TMEM14C: variants seen among roughly 807,000 people sequenced by gnomAD.
TMEM14C encodes chromosome 6 open reading frame 53.
In TMEM14C, 13 loss-of-function variants were observed where a neutral mutation model predicts 14.8. The ratio of observed to expected loss-of-function variants is 0.88; its 90% CI spans 0.57 to 1.40. The LOEUF (loss-of-function observed/expected upper bound fraction) is 1.40, where lower values mean the gene tolerates loss of function less well. TMEM14C is among the 40% of genes most tolerant of loss of function. The pLI is 0.00. For synonymous variants in TMEM14C, 57 were observed against 51.3 expected (o/e 1.11, Z -0.48); for missense variants, 142 against 138.8 (o/e 1.02, Z -0.12).
In TMEM14C at chr6:10,730,608, T is replaced by C. The variant is rs1237928059; in HGVS notation, c.288-7T>C. The C allele has an allele frequency of 1.9e-6, 3 of 1,612,324 alleles. No homozygotes were observed. On this transcript the variant is annotated splice_polypyrimidine_tract_variant and splice_region_variant and intron_variant, in intron 5 of 5. Transcript: ENST00000229563. ...CTGACATTTTCTATCTTGTTTCTTT[T>C]AAACAGTTTGCTGATGGTCGCCAAA...
intron 4 of TMEM14C, among the ~76,000 whole-genome samples, chr6:10,726,891 G>A (rs562614015): frequency 6.6e-6 from 1 of 152,276 alleles, no homozygotes; most frequent in Non-Finnish European, 1.5e-5. Context: ...GTGAGAATGA[G>A]TGCCATGTGG....
intron 1 of TMEM14C, 44 bp from the exon 2 acceptor site, chr6:10,724,526 G>A: frequency 7.3e-7 from 1 of 1,363,420 alleles, no homozygotes; most frequent in Non-Finnish European, 1.0e-6. Flanking sequence ...GACTGCTGGA[G>A]AGCTGTGCTT....
At chr6:10,727,403 A>C (rs1241296226) in intron 4 of TMEM14C, among the ~76,000 whole-genome samples, 1 of 152,038 alleles carries the variant, frequency 6.6e-6, no homozygotes, top group East Asian at 1.9e-4. Flanking sequence ...GTAGTGGCAC[A>C]ACCTTGGCTC....
At chr6:10,724,127 T>C (rs946974226) in intron 1 of TMEM14C, among the ~76,000 whole-genome samples, 6 of 152,204 alleles carry the variant, frequency 3.9e-5, no homozygotes, top group Non-Finnish European at 8.8e-5. Context: ...AGCTTTGAAA[T>C]TGGCTGTTGC....
rs1770942778 is a variant in TMEM14C at position 10,728,726 on chromosome 6, A to G, written c.286A>G (p.Ser96Gly). The G allele has an allele frequency of 6.2e-7, 1 of 1,614,224 alleles. No homozygotes were observed. The highest frequency in any genetic ancestry group is 8.5e-7 in the Non-Finnish European group (1 of 1,180,046). Residue 96 changes from serine to glycine, a missense_variant and splice_region_variant, in exon 5 of 6, where the codon AGT becomes GGT. Ser to Gly is a moderately conservative substitution (Grantham distance 56). Coordinates refer to ENST00000229563, the MANE Select transcript of TMEM14C (RefSeq NM_016462.4). Reference sequence around the variant, plus strand: ...GCCTGCAGGTTTAATTGCAGGTGCCAGGTACTTTCATTCTATTACTCTTCT... The same window carrying G: ...GCCTGCAGGTTTAATTGCAGGTGCCGGGTACTTTCATTCTATTACTCTTCT... Reference protein sequence around the residue: ...FMPAGLIAGASLLMVAKVGVS... With the variant: ...FMPAGLIAGAGLLMVAKVGVS...
chr6:10,730,171 G>C (rs954209620), intron 5 of TMEM14C, among the ~76,000 whole-genome samples: 1 of 152,116 alleles, frequency 6.6e-6, no homozygotes, highest in Non-Finnish European at 1.5e-5. Context: ...ACATCCTGAA[G>C]GTAGGGGAAT....
intron 4 of TMEM14C, among the ~76,000 whole-genome samples, chr6:10,727,483 C>T (rs964949831): frequency 4.6e-5 from 7 of 151,832 alleles, no homozygotes; most frequent in Non-Finnish European, 1.0e-4. Context: ...GGGATTCAGG[C>T]GTCCACCAAC....
chr6:10,725,514 T>G (rs1770830721), intron 3 of TMEM14C, among the ~76,000 whole-genome samples: 1 of 152,152 alleles, frequency 6.6e-6, no homozygotes, highest in Non-Finnish European at 1.5e-5. Context: ...GGTCTTTGTA[T>G]TTTTTTAATT....
chr6:10,727,648 C>G (rs1252857483), intron 4 of TMEM14C, among the ~76,000 whole-genome samples: 1 of 151,788 alleles, frequency 6.6e-6, no homozygotes, highest in African/African-American at 2.4e-5. Flanking sequence ...GTGGTGAAAC[C>G]CGGTCTCTAA....
chr6:10,730,508 C>A, intron 5 of TMEM14C, 107 bp from the exon 6 acceptor site: 2 of 1,088,412 alleles, frequency 1.8e-6, no homozygotes, highest in South Asian at 1.7e-5. Context: ...TGCCTTAGTA[C>A]CTCCTCCCCC....
rs199623364 is a variant in TMEM14C, at chr6:10,728,701, G to T, written c.261G>T (p.Met87Ile). ...GGTTCTACCACTCTGGAAAATTCAT[G>T]CCTGCAGGTTTAATTGCAGGTGCCA... ...GMRFYHSGKFMPAGLIAGASL... is the reference protein window; with the variant it reads ...GMRFYHSGKFIPAGLIAGASL... Residue 87 changes from methionine to isoleucine, a missense_variant, in exon 5 of 6, where the codon ATG becomes ATT. Physicochemically the swap from Met to Ile is conservative, Grantham distance 10. Coordinates refer to ENST00000229563, the MANE Select transcript of TMEM14C (RefSeq NM_016462.4). 2.8e-5 allele frequency: 45 copies of T among 1,614,186 alleles called. No homozygotes were observed. Among genetic ancestry groups the T allele is most frequent in the Non-Finnish European group, 3.7e-5 (44 of 1,180,034 alleles).
intron 1 of TMEM14C, among the ~76,000 whole-genome samples, chr6:10,723,644 T>G (rs371515930): frequency 2.2e-5 from 3 of 138,218 alleles, no homozygotes; most frequent in South Asian, 4.6e-4. Flanking sequence ...CTGTCGCCCA[T>G]GCTTGAGTGC....
chr6:10,726,307 G>C (rs1181192289), intron 4 of TMEM14C, among the ~76,000 whole-genome samples: 3 of 152,162 alleles, frequency 2.0e-5, no homozygotes, highest in African/African-American at 7.2e-5. Context: ...GCCCACTGAA[G>C]ACCTTTGGCT....
chr6:10,727,503 T>A (rs1303814705), intron 4 of TMEM14C, among the ~76,000 whole-genome samples: 2 of 152,142 alleles, frequency 1.3e-5, no homozygotes, highest in East Asian at 3.9e-4. Context: ...CATGCCCGGC[T>A]AATTTTTCTA....
At chr6:10,729,323 T>C (rs1043193026) in intron 5 of TMEM14C, among the ~76,000 whole-genome samples, 3 of 152,094 alleles carry the variant, frequency 2.0e-5, no homozygotes, top group African/African-American at 7.2e-5. Context: ...TTGGTAGAGA[T>C]GGTGTTTCAC....
rs147893439 is a variant in TMEM14C at position 10,730,744 on chromosome 6, A to G, written c.*78A>G. 2,035 of 1,489,904 alleles carry G rather than the reference A, an allele frequency of 1.4e-3. 6 individuals carry two copies. Among genetic ancestry groups the G allele is most frequent in the Middle Eastern group, 8.6e-3 (48 of 5,562 alleles). 92.3% of individuals were successfully genotyped at this position (1,489,904 alleles called of 1,614,324 possible). Reference sequence around the variant, plus strand: ...CACTATTTTCAATATATTAAGAGAAATAAGTGCAGCATTTTTGCATCTGAC... The same window carrying G: ...CACTATTTTCAATATATTAAGAGAAGTAAGTGCAGCATTTTTGCATCTGAC... On this transcript the variant is annotated 3_prime_UTR_variant, in exon 6 of 6. Coordinates refer to ENST00000229563, the MANE Select transcript of TMEM14C (RefSeq NM_016462.4).
intron 3 of TMEM14C, 105 bp downstream of exon 3, chr6:10,725,142 G>A (rs1770819307): frequency 7.1e-7 from 1 of 1,400,312 alleles, no homozygotes; most frequent in African/African-American, 1.4e-5. Flanking sequence ...CAGGTTTGCT[G>A]TGGGTCCCCA....
chr6:10,730,697 A>T lies in TMEM14C; in HGVS notation c.*31A>T. The stretch of plus-strand genomic sequence containing the variant: ...GTCATGTTCCAGCTTAGACTGATGA[A>T]GAATTAAAAATCTGCATCTTCCACT... On this transcript the variant is annotated 3_prime_UTR_variant, in exon 6 of 6. Coordinates refer to ENST00000229563, the MANE Select transcript of TMEM14C (RefSeq NM_016462.4). 2 of 1,564,378 alleles carry T rather than the reference A, an allele frequency of 1.3e-6. No homozygotes were observed. The highest frequency in any genetic ancestry group is 1.7e-6 in the Non-Finnish European group (2 of 1,149,682).
At chr6:10,728,101 G>A (rs1350498563) in intron 4 of TMEM14C, among the ~76,000 whole-genome samples, 1 of 152,134 alleles carries the variant, frequency 6.6e-6, no homozygotes, top group East Asian at 1.9e-4. Flanking sequence ...TAATTCCTGC[G>A]TAATTTCAGA....
Sources: gnomAD v4.1 joint callset for allele counts (sites outside exome capture counted in the v4.1 genomes callset) on GRCh38, gnomAD v4.1.1 for gene constraint, MANE v1.5 for transcripts, NCBI Gene and HGNC (gene_info 2026-07-23, HGNC 2026-07-21) for gene names.